Variants in GPM6A observed in about 807,000 individuals in gnomAD.
GPM6A encodes glycoprotein M6A, also known as neuronal membrane glycoprotein M6-a.
In GPM6A, 7 loss-of-function variants were observed where a neutral mutation model predicts 32.1. The ratio of observed to expected loss-of-function variants is 0.22; its 90% CI spans 0.12 to 0.41. The LOEUF (loss-of-function observed/expected upper bound fraction) is 0.41. Ranked by LOEUF, GPM6A falls within the 10% of genes least tolerant of loss-of-function variation. The pLI is 1.00. For missense variants in GPM6A, 235 were observed against 347.2 expected, an observed-to-expected ratio of 0.68 and a Z score of 2.57; for synonymous variants, 130 against 123.4, an observed-to-expected ratio of 1.05 and a Z score of -0.35.
At chr4:175,945,502 T>C (rs1399274926) in intron 1 of GPM6A, among the ~76,000 whole-genome samples, 1 of 151,900 alleles carries the variant, frequency 6.6e-6, no homozygotes, top group Non-Finnish European at 1.5e-5. Context: ...CCATATTACT[T>C]AGTTGTAAGT....
At chr4:175,726,099 T>C (rs985777333) in intron 1 of GPM6A, among the ~76,000 whole-genome samples, 1 of 150,216 alleles carries the variant, frequency 6.7e-6, no homozygotes, top group African/African-American at 2.4e-5. Flanking sequence ...TTCATGCCAT[T>C]CTCCTGCCTC....
chr4:175,929,269 T>C (rs1738947698), intron 1 of GPM6A, among the ~76,000 whole-genome samples: 1 of 152,204 alleles, frequency 6.6e-6, no homozygotes, highest in Non-Finnish European at 1.5e-5. Flanking sequence ...GGAACATCCT[T>C]ATATGCCTGA....
At chr4:175,946,762 C>T (rs1739621832) in intron 1 of GPM6A, among the ~76,000 whole-genome samples, 1 of 152,166 alleles carries the variant, frequency 6.6e-6, no homozygotes, top group African/African-American at 2.4e-5. Context: ...ACAATTGGGG[C>T]CTGGTAGAGC....
chr4:175,929,588 A>T (rs1738961749), intron 1 of GPM6A, among the ~76,000 whole-genome samples: 1 of 152,164 alleles, frequency 6.6e-6, no homozygotes, highest in African/African-American at 2.4e-5. Context: ...CTCCTTCCTA[A>T]ATCTATCCTT....
At chr4:175,960,550 G>A (rs927025306) in intron 1 of GPM6A, among the ~76,000 whole-genome samples, 4 of 152,102 alleles carry the variant, frequency 2.6e-5, no homozygotes, top group African/African-American at 7.2e-5. Flanking sequence ...GGTATTAAGC[G>A]CCAGATCCAT....
intron 1 of GPM6A, among the ~76,000 whole-genome samples, chr4:175,993,767 T>C (rs752776809): frequency 6.6e-6 from 1 of 152,032 alleles, no homozygotes; most frequent in African/African-American, 2.4e-5. Context: ...CCCCAAATAA[T>C]GAAGGAAACA....
Position 175,678,697 on chromosome 4 carries a change from C to G in GPM6A, c.231-4861G>C, listed in dbSNP as rs562272123. On this transcript the variant is annotated intron_variant, in intron 2 of 6. Coordinates refer to ENST00000393658, the MANE Select transcript of GPM6A (RefSeq NM_201591.3). ...TGATGTGAACTGTGTAAACCTGTCG[C>G]GCATTTGAAAGAATCTGAGGATGTC... is the stretch of plus-strand genomic sequence containing the variant. 2.0e-5 allele frequency among the ~76,000 whole-genome samples: 3 copies of G among 152,146 alleles called. No individual in the cohort carries two copies. The South Asian group carries it at 6.2e-4, about 32-fold the overall frequency.
intron 1 of GPM6A, among the ~76,000 whole-genome samples, chr4:175,991,125 C>A (rs1462507579): frequency 6.7e-6 from 1 of 148,282 alleles, no homozygotes. Flanking sequence ...GGCTGGAGTG[C>A]AGTAGCATGA....
intron 4 of GPM6A, among the ~76,000 whole-genome samples, chr4:175,643,225 A>T (rs1741257170): frequency 2.0e-5 from 3 of 152,186 alleles, no homozygotes; most frequent in Non-Finnish European, 4.4e-5. Context: ...TTCTTCAAGT[A>T]GCAGCTAGAG....
chr4:175,987,189 C>A (rs1579688788), intron 1 of GPM6A, among the ~76,000 whole-genome samples: 1 of 152,174 alleles, frequency 6.6e-6, no homozygotes, highest in Admixed American at 6.6e-5. Context: ...AGCATTCTGT[C>A]TAGCAAATAG....
intron 1 of GPM6A, among the ~76,000 whole-genome samples, chr4:175,931,130 T>G (rs1477321232): frequency 1.3e-5 from 2 of 152,198 alleles, no homozygotes; most frequent in Admixed American, 6.5e-5. Flanking sequence ...GAACTGAGAT[T>G]GAGATAGGCA....
chr4:175,855,447 T>C (rs1736387814), intron 1 of GPM6A, among the ~76,000 whole-genome samples: 1 of 152,168 alleles, frequency 6.6e-6, no homozygotes, highest in Non-Finnish European at 1.5e-5. Flanking sequence ...CTAACTGTAT[T>C]ACAAATGTAT....
At chr4:175,878,549 G>T (rs562572212) in intron 1 of GPM6A, among the ~76,000 whole-genome samples, 1 of 152,216 alleles carries the variant, frequency 6.6e-6, no homozygotes, top group South Asian at 2.1e-4. Context: ...GTGGTATCTT[G>T]GCCTCTTTTA....
At chr4:175,971,529 T>C (rs1740501801) in intron 1 of GPM6A, among the ~76,000 whole-genome samples, 1 of 152,136 alleles carries the variant, frequency 6.6e-6, no homozygotes, top group Non-Finnish European at 1.5e-5. Context: ...TCTCCCTAAA[T>C]TAGCCCCCTC....
chr4:175,997,689 G>A lies in GPM6A; in HGVS notation c.-23+4620C>T, dbSNP rs1018145535. ...TGTCATAGTTTTCCTGAAAAAAAAG[G>A]TATGAGCTCAAGACAATACTGTGTG... On this transcript the variant is annotated intron_variant, in intron 1 of 7. Transcript: ENST00000280187. Among the ~76,000 whole-genome samples the A allele has an allele frequency of 9.2e-5, 14 of 152,132 alleles. No individual in the cohort carries two copies. In the East Asian group the frequency reaches 2.5e-3, roughly 27 times the overall value.
chr4:175,871,823 T>C (rs1166210060), intron 1 of GPM6A, among the ~76,000 whole-genome samples: 1 of 152,222 alleles, frequency 6.6e-6, no homozygotes, highest in Non-Finnish European at 1.5e-5. Flanking sequence ...ATAGCTGTGA[T>C]CTGCTCGCAA....
intron 1 of GPM6A, among the ~76,000 whole-genome samples, chr4:175,720,153 A>C (rs529033306): frequency 6.6e-6 from 1 of 152,336 alleles, no homozygotes; most frequent in African/African-American, 2.4e-5. Context: ...TAGACGGTAG[A>C]GGCTGAAAAT....
rs553343281 is a variant in GPM6A at position 175,685,140 on chromosome 4, C to T, written c.231-11304G>A. Among the ~76,000 whole-genome samples, 8 of 152,260 alleles carry T rather than the reference C, an allele frequency of 5.3e-5. No individual in the cohort carries two copies. The East Asian group carries it at 7.7e-4, about 15-fold the overall frequency. The stretch of plus-strand genomic sequence containing the variant: ...TCCTGACCTCGTGATCCACCTGCCT[C>T]GGCCTCCCAAAGTGCTGGGATTACA... On this transcript the variant is annotated intron_variant, in intron 2 of 6. Transcript: ENST00000393658.
chr4:175,901,733 T>C (rs1195025038), intron 1 of GPM6A, among the ~76,000 whole-genome samples: 1 of 150,390 alleles, frequency 6.6e-6, no homozygotes, highest in African/African-American at 2.5e-5. Context: ...TTCAAGCAAT[T>C]CTCCTATCTC....
Sources: allele counts gnomAD v4.1 joint callset (sites outside exome capture counted in the v4.1 genomes callset), GRCh38; gene constraint gnomAD v4.1.1; transcripts MANE v1.5; gene names NCBI Gene and HGNC (gene_info 2026-07-23, HGNC 2026-07-21).